Variants in ADD3 observed in about 807,000 individuals in gnomAD.
The protein encoded by ADD3 is adducin 3, also known as gamma-adducin.
In ADD3, 25 loss-of-function variants were observed where a neutral mutation model predicts 80.2. That is an observed-to-expected ratio of 0.31 (90% CI 0.23 to 0.44). The LOEUF (loss-of-function observed/expected upper bound fraction) is 0.44. Ranked by LOEUF, ADD3 falls within the 20% of genes least tolerant of loss-of-function variation. ADD3 has a pLI of 1.00. For missense variants in ADD3, 829 were observed against 847.5 expected (o/e 0.98, Z 0.27); for synonymous variants, 284 against 289.6 (o/e 0.98, Z 0.20).
chr10:110,025,212 G>C (rs377602482), intron 1 of ADD3, among the ~76,000 whole-genome samples: 2 of 151,978 alleles, frequency 1.3e-5, no homozygotes, highest in Admixed American at 6.6e-5. Context: ...TTATTAAAAC[G>C]TTTCCTTTCC....
chr10:110,018,280 C>T (rs1245691763), intron 1 of ADD3, among the ~76,000 whole-genome samples: 2 of 152,048 alleles, frequency 1.3e-5, no homozygotes, highest in Admixed American at 6.6e-5. Flanking sequence ...GTAATCCCAG[C>T]ACTTTGGGAG....
chr10:110,071,885 G>A (rs530412203), intron 1 of ADD3, among the ~76,000 whole-genome samples: 1 of 151,816 alleles, frequency 6.6e-6, no homozygotes, highest in African/African-American at 2.4e-5. Flanking sequence ...GTTATGTTGT[G>A]TACATTTTTT....
intron 1 of ADD3, among the ~76,000 whole-genome samples, chr10:110,011,121 G>T (rs920725506): frequency 9.2e-5 from 14 of 151,434 alleles, no homozygotes; most frequent in African/African-American, 3.4e-4. Context: ...GATATGTAGG[G>T]CCCCAGGTGG....
upstream of ADD3, chr10:110,006,052 G>T: frequency 4.5e-6 from 1 of 222,164 alleles, no homozygotes; most frequent in South Asian, 5.7e-5. Context: ...GGCTGCAGTA[G>T]GTTTCTGTGC....
chr10:110,016,518 C>T (rs1252052898), intron 1 of ADD3: 1 of 152,172 alleles, frequency 6.6e-6, no homozygotes, highest in African/African-American at 2.4e-5. Context: ...AGCAGTCTTT[C>T]AATAGCAGGT....
At chr10:110,057,758 C>T (rs1858386229) in intron 1 of ADD3, among the ~76,000 whole-genome samples, 1 of 152,116 alleles carries the variant, frequency 6.6e-6, no homozygotes, top group Non-Finnish European at 1.5e-5. Context: ...AGGCACCCAA[C>T]AAATATTTTT....
chr10:110,030,076 C>A (rs976646507), intron 1 of ADD3, among the ~76,000 whole-genome samples: 10 of 152,134 alleles, frequency 6.6e-5, no homozygotes, highest in African/African-American at 2.2e-4. Context: ...GTAATCCCAG[C>A]ACTTTGGGAG....
At chr10:110,131,537 A>T (rs1852994345) in intron 13 of ADD3, among the ~76,000 whole-genome samples, 1 of 152,192 alleles carries the variant, frequency 6.6e-6, no homozygotes, top group South Asian at 2.1e-4. Flanking sequence ...TAGTTAATGA[A>T]TTTTTGTCCA....
upstream of ADD3, among the ~76,000 whole-genome samples, chr10:110,001,649 G>C (rs1372898049): frequency 1.3e-5 from 2 of 152,030 alleles, no homozygotes; most frequent in Non-Finnish European, 2.9e-5. Context: ...TGCTTAAAAA[G>C]TCCTCAATCG....
intron 10 of ADD3, 85 bp from the exon 11 acceptor site, chr10:110,125,741 T>C: frequency 9.7e-7 from 1 of 1,032,778 alleles, no homozygotes; most frequent in Non-Finnish European, 1.4e-6. Flanking sequence ...GCAATGCCCC[T>C]CTTGAGACTA....
At chr10:110,056,846 G>T (rs560364325) in intron 1 of ADD3, among the ~76,000 whole-genome samples, 22 of 152,254 alleles carry the variant, frequency 1.4e-4, no homozygotes, top group African/African-American at 5.3e-4. Context: ...CCATGCACCT[G>T]GAGCAAAGGA....
At chr10:110,030,332 A>G (rs1274337176) in intron 1 of ADD3, among the ~76,000 whole-genome samples, 3 of 151,074 alleles carry the variant, frequency 2.0e-5, no homozygotes, top group Admixed American at 2.0e-4. Context: ...TTAAAAAAAA[A>G]AAAAAAAGAA....
intron 1 of ADD3, among the ~76,000 whole-genome samples, chr10:110,080,928 G>T (rs1260457372): frequency 6.6e-6 from 1 of 152,182 alleles, no homozygotes; most frequent in Admixed American, 6.5e-5. Context: ...CAGTATTTTT[G>T]CTGTATCACA....
chr10:110,003,479 G>T (rs572795703), upstream of ADD3, among the ~76,000 whole-genome samples: 1 of 150,724 alleles, frequency 6.6e-6, no homozygotes, highest in Non-Finnish European at 1.5e-5. Context: ...TTTACATAGT[G>T]CTTTGAAAAG....
intron 2 of ADD3, among the ~76,000 whole-genome samples, chr10:110,103,486 G>A (rs1044047522): frequency 2.6e-5 from 4 of 152,286 alleles, no homozygotes; most frequent in African/African-American, 9.6e-5. Flanking sequence ...TCCTTGCCAC[G>A]TGGACTTTTT....
At chr10:110,108,225 AGT>A (rs1849606054) in intron 2 of ADD3, among the ~76,000 whole-genome samples, 1 of 152,146 alleles carries the variant, frequency 6.6e-6, no homozygotes, top group Non-Finnish European at 1.5e-5. Context: ...ATAATCTGCC[AGT>A]ATATATATAT....
intron 2 of ADD3, among the ~76,000 whole-genome samples, chr10:110,101,426 G>C (rs1181382432): frequency 6.6e-6 from 1 of 152,070 alleles, no homozygotes; most frequent in East Asian, 1.9e-4. Flanking sequence ...TTGAGCACAG[G>C]AGTTTGAAAC....
Position 110,126,423 on chromosome 10 carries a change from G to A in ADD3, c.1528G>A (p.Glu510Lys). 3.1e-6 allele frequency: 5 copies of A among 1,613,130 alleles called. No homozygotes were observed. Among genetic ancestry groups the A allele is most frequent in the Non-Finnish European group, 4.2e-6 (5 of 1,179,664 alleles). The change falls in exon 12 of 15, where the codon GAA becomes AAA. Residue 510 changes from glutamate (E) to lysine (K), a missense_variant. Coordinates refer to ENST00000356080, the MANE Select transcript of ADD3 (RefSeq NM_016824.5). ...EVLEKRNKIR[E>K]QNRYDLKTAG... ...GAATTGTTTTTCAATTCAGATTCGG[G>A]AACAAAATCGATATGACTTGAAAAC...
At position 110,119,284 on chromosome 10, in the gene ADD3, A is replaced by T. The variant is rs751032166; in HGVS notation, c.791A>T (p.Asp264Val). 41 of 1,614,178 alleles carry T rather than the reference A, an allele frequency of 2.5e-5. No individual in the cohort carries two copies. Among genetic ancestry groups the T allele is most frequent in the Middle Eastern group, 1.6e-4 (1 of 6,062 alleles). The stretch of plus-strand genomic sequence containing the variant: ...CTTCTGGGAGATGTTGCCTATTATG[A>T]CTACCAAGGGTCACTTGAAGAACAG... ...SLLLGDVAYY[D>V]YQGSLEEQEE... is the part of the protein sequence containing the mutation. Residue 264 changes from aspartate to valine, a missense_variant, in exon 7 of 15, where the codon GAC becomes GTC. Coordinates refer to ENST00000356080, the MANE Select transcript of ADD3 (RefSeq NM_016824.5).
Sources: gnomAD v4.1 joint callset for allele counts (sites outside exome capture counted in the v4.1 genomes callset) on GRCh38, gnomAD v4.1.1 for gene constraint, MANE v1.5 for transcripts, NCBI Gene and HGNC (gene_info 2026-07-23, HGNC 2026-07-21) for gene names.